DOK6: variants seen among roughly 807,000 people sequenced by gnomAD.
DOK6 encodes the protein docking protein 6.
A neutral mutation model predicts 44.0 loss-of-function variants in DOK6; 22 were observed. The ratio of observed to expected loss-of-function variants is 0.50; its 90% CI spans 0.36 to 0.71. The LOEUF (loss-of-function observed/expected upper bound fraction) is 0.71. Ranked by LOEUF, DOK6 falls within the 30% of genes least tolerant of loss-of-function variation. DOK6 has a pLI of 0.00. For missense variants in DOK6, 340 were observed against 416.4 expected (o/e 0.82, Z 1.60); for synonymous variants, 166 against 145.5 (o/e 1.14, Z -1.01).
chr18:69,809,962 T>C (rs1981172666), intron 7 of DOK6, among the ~76,000 whole-genome samples: 1 of 151,916 alleles, frequency 6.6e-6, no homozygotes, highest in Non-Finnish European at 1.5e-5. Context: ...ATGACATTTT[T>C]TATAAAATTG....
At chr18:69,612,432 T>G (rs1187547364) in intron 3 of DOK6, among the ~76,000 whole-genome samples, 3 of 147,430 alleles carry the variant, frequency 2.0e-5, no homozygotes, top group Non-Finnish European at 4.6e-5. Flanking sequence ...CGAGGGCGCA[T>G]GTGTGCGAGG....
At chr18:69,589,587 C>G (rs999950295) in intron 2 of DOK6, among the ~76,000 whole-genome samples, 1 of 152,002 alleles carries the variant, frequency 6.6e-6, no homozygotes, top group Non-Finnish European at 1.5e-5. Flanking sequence ...AAAAGAGGCA[C>G]ATTAAAGCTA....
chr18:69,749,423 G>A lies in DOK6; in HGVS notation c.739-8333G>A, dbSNP rs148810990. ...TGCAATATTTATTACTATTTATGAT[G>A]TAAGATTATGAGGAAACATTATACA... On this transcript the variant is annotated intron_variant, in intron 6 of 7. Transcript: ENST00000382713. Among the ~76,000 whole-genome samples the A allele has an allele frequency of 2.0e-3, 309 of 152,182 alleles. 3 individuals are homozygous for A. The highest frequency in any genetic ancestry group is 7.2e-3 in the African/African-American group (301 of 41,522).
In DOK6 at chr18:69,677,742, G is replaced by A. The variant is rs377459685; in HGVS notation, c.298G>A (p.Ala100Thr). The A allele has an allele frequency of 6.2e-7, 1 of 1,613,436 alleles. No homozygotes were observed. The highest frequency in any genetic ancestry group is 8.5e-7 in the Non-Finnish European group (1 of 1,179,552). The part of the protein sequence containing the change: ...KTFACESELE[A>T]EEWCKHLCME... The stretch of plus-strand genomic sequence containing the variant: ...GTTGTGGTTACTTTCAGAGCTGGAG[G>A]CCGAGGAGTGGTGCAAGCACCTCTG... Residue 100 changes from alanine to threonine, a missense_variant, in exon 4 of 8, where the codon GCC becomes ACC. Coordinates refer to ENST00000382713, the MANE Select transcript of DOK6 (RefSeq NM_152721.6).
chr18:69,725,594 T>A (rs575768479), intron 5 of DOK6, among the ~76,000 whole-genome samples: 2 of 152,214 alleles, frequency 1.3e-5, no homozygotes, highest in African/African-American at 4.8e-5. Flanking sequence ...TTCAAGCAAT[T>A]CTCCTGCCTC....
intron 2 of DOK6, among the ~76,000 whole-genome samples, chr18:69,591,291 G>A (rs927400778): frequency 1.3e-5 from 2 of 152,198 alleles, no homozygotes; most frequent in East Asian, 1.9e-4. Context: ...TGGGATGGCT[G>A]TCTTGAGGAG....
rs535758551 is a variant in DOK6 at position 69,549,752 on chromosome 18, C to A, written c.67-14735C>A. On this transcript the variant is annotated intron_variant, in intron 1 of 7. Coordinates refer to ENST00000382713, the MANE Select transcript of DOK6 (RefSeq NM_152721.6). ...TATGCAAGATAGACACTCATTTTAC[C>A]CTCAGGGAATCAGATCTGGAAGCAC... 1.8e-3 allele frequency among the ~76,000 whole-genome samples: 269 copies of A among 151,294 alleles called. 6 individuals carry two copies. Among genetic ancestry groups the A allele is most frequent in the African/African-American group, 4.7e-3 (196 of 41,402 alleles).
At chr18:69,643,470 T>C (rs1478765491) in intron 3 of DOK6, among the ~76,000 whole-genome samples, 12 of 152,198 alleles carry the variant, frequency 7.9e-5, no homozygotes. Context: ...TATCTTCCAT[T>C]TCTCAAATTT....
intron 3 of DOK6, among the ~76,000 whole-genome samples, chr18:69,656,035 C>A (rs1985359976): frequency 6.6e-6 from 1 of 151,258 alleles, no homozygotes; most frequent in Non-Finnish European, 1.5e-5. Context: ...TACATCAAGT[C>A]AACAAGTAGA....
intron 1 of DOK6, among the ~76,000 whole-genome samples, chr18:69,419,338 A>T (rs1978421773): frequency 6.6e-6 from 1 of 152,214 alleles, no homozygotes; most frequent in South Asian, 2.1e-4. Flanking sequence ...AATGACAATA[A>T]AAGTGTGCAG....
intron 1 of DOK6, among the ~76,000 whole-genome samples, chr18:69,541,676 C>A (rs1000011133): frequency 6.6e-6 from 1 of 151,474 alleles, no homozygotes; most frequent in African/African-American, 2.4e-5. Flanking sequence ...CACAACCATG[C>A]ACTCTCACAG....
chr18:69,651,734 C>T (rs555505811), intron 3 of DOK6, among the ~76,000 whole-genome samples: 1 of 152,036 alleles, frequency 6.6e-6, no homozygotes, highest in East Asian at 1.9e-4. Flanking sequence ...AGTGATCTGC[C>T]TCCTCAGCCT....
chr18:69,679,090 C>T lies in DOK6; in HGVS notation c.409+1237C>T, dbSNP rs535909673. 1.2e-4 allele frequency among the ~76,000 whole-genome samples: 18 copies of T among 152,068 alleles called. 1 individual carries two copies. Among genetic ancestry groups the T allele is most frequent in the Admixed American group, 3.9e-4 (6 of 15,266 alleles). On this transcript the variant is annotated intron_variant, in intron 4 of 7. Coordinates refer to ENST00000382713, the MANE Select transcript of DOK6 (RefSeq NM_152721.6). Reference sequence around the variant, plus strand: ...ACTCGGGAGGCTGAGGTGGGAGGCTCGCTTGAGCCTGGGAGGCAGAGGTTA... The same window carrying T: ...ACTCGGGAGGCTGAGGTGGGAGGCTTGCTTGAGCCTGGGAGGCAGAGGTTA...
chr18:69,635,755 C>T (rs1984791530), intron 3 of DOK6, among the ~76,000 whole-genome samples: 1 of 152,178 alleles, frequency 6.6e-6, no homozygotes, highest in Non-Finnish European at 1.5e-5. Context: ...GACTTCCCTA[C>T]CCAGACAGAG....
chr18:69,746,654 A>C (rs1444057979), intron 6 of DOK6, among the ~76,000 whole-genome samples: 6 of 152,230 alleles, frequency 3.9e-5, no homozygotes, highest in Non-Finnish European at 8.8e-5. Context: ...CTTTCATTCA[A>C]TGACCATGTA....
intron 3 of DOK6, among the ~76,000 whole-genome samples, chr18:69,645,827 A>C (rs1486697405): frequency 6.6e-6 from 1 of 152,190 alleles, no homozygotes; most frequent in Non-Finnish European, 1.5e-5. Context: ...AAACAAAGAC[A>C]GCATTTCCTG....
At chr18:69,678,006 TG>T (rs1411499666) in intron 4 of DOK6, among the ~76,000 whole-genome samples, 153 bp downstream of exon 4, 1 of 152,158 alleles carries the variant, frequency 6.6e-6, no homozygotes, top group Non-Finnish European at 1.5e-5. Flanking sequence ...CCCTGCATTT[TG>T]GGAGCCCGAG....
In DOK6 at chr18:69,578,297, G is replaced by T. The variant is rs558302748; in HGVS notation, c.174+13703G>T. 6.6e-5 allele frequency among the ~76,000 whole-genome samples: 10 copies of T among 152,182 alleles called. No homozygotes were observed. In the South Asian group the frequency reaches 2.1e-3, roughly 32 times the overall value. On this transcript the variant is annotated intron_variant, in intron 2 of 7. Coordinates refer to ENST00000382713, the MANE Select transcript of DOK6 (RefSeq NM_152721.6). ...ATATTTCCCTATTTGTAAAATGCAA[G>T]TAATAATAACATCATGGCACACAAA...
At chr18:69,792,598 T>A (rs1980633145) in intron 7 of DOK6, among the ~76,000 whole-genome samples, 1 of 152,116 alleles carries the variant, frequency 6.6e-6, no homozygotes. Context: ...GTCCTTAGTT[T>A]TTTCCAAATA....
Sources: allele counts gnomAD v4.1 joint callset (sites outside exome capture counted in the v4.1 genomes callset), GRCh38; gene constraint gnomAD v4.1.1; transcripts MANE v1.5; gene names NCBI Gene and HGNC (gene_info 2026-07-23, HGNC 2026-07-21).